LPA: variants seen among roughly 807,000 people sequenced by gnomAD.
The protein encoded by LPA is apolipoprotein(a).
A neutral mutation model predicts 197.9 loss-of-function variants in LPA; 199 were observed. The ratio of observed to expected loss-of-function variants is 1.01; its 90% CI spans 0.90 to 1.13. The LOEUF (loss-of-function observed/expected upper bound fraction) is 1.13, where lower values mean the gene tolerates loss of function less well. Among genes scored for constraint, LPA ranks in the 50% most tolerant of loss-of-function variants. The pLI is 0.00. For missense variants in LPA, 1,853 were observed against 1,785.8 expected (o/e 1.04, Z -0.68); for synonymous variants, 715 against 639.5 (o/e 1.12, Z -1.78).
intron 22 of LPA, 144 bp from the exon 23 acceptor site, chr6:160,591,245 T>C: frequency 9.6e-7 from 1 of 1,040,814 alleles, no homozygotes; most frequent in African/African-American, 1.6e-5. Context: ...TCACAAATCG[T>C]CCTCAACTTC....
At chr6:160,561,241 G>T (rs1361844909) in intron 28 of LPA, among the ~76,000 whole-genome samples, 1 of 152,146 alleles carries the variant, frequency 6.6e-6, no homozygotes, top group Admixed American at 6.5e-5. Context: ...GTTAATTTGT[G>T]TATAAGGTGT....
Position 160,650,267 on chromosome 6 carries a change from T to C in LPA, c.209+71A>G. 2.0e-6 allele frequency: 3 copies of C among 1,510,226 alleles called. No individual in the cohort carries two copies. In the East Asian group the frequency reaches 6.8e-5, roughly 34 times the overall value. 93.6% of individuals were successfully genotyped at this position (1,510,226 alleles called of 1,614,324 possible). A position where few individuals can be genotyped will look rare whatever the true frequency, so the allele number is the denominator to read the frequency against. ...AAAAATTTAATCATAAGAAGTTAGC[T>C]TGACGCACACCTTTTCTAAGACAAA... On this transcript the variant is annotated intron_variant, in intron 2 of 38. Transcript: ENST00000316300.
At chr6:160,605,004 C>T in intron 18 of LPA, 42 bp downstream of exon 18, 1 of 1,611,392 alleles carries the variant, frequency 6.2e-7, no homozygotes, top group Non-Finnish European at 8.5e-7. Flanking sequence ...CAGAAATTTC[C>T]ACTGACCCTT....
intron 24 of LPA, among the ~76,000 whole-genome samples, chr6:160,589,288 G>A (rs1482538458): frequency 6.6e-6 from 1 of 152,172 alleles, no homozygotes; most frequent in Non-Finnish European, 1.5e-5. Context: ...TAAGCACATG[G>A]TCATATGTTC....
intron 20 of LPA, among the ~76,000 whole-genome samples, chr6:160,597,243 G>A (rs987813761): frequency 6.6e-6 from 1 of 152,174 alleles, no homozygotes; most frequent in South Asian, 2.1e-4. Context: ...TTGTGTTTGG[G>A]AAAGATTTAT....
chr6:160,601,204 A>C, intron 18 of LPA, 106 bp from the exon 19 acceptor site: 1 of 944,942 alleles, frequency 1.1e-6, no homozygotes, highest in South Asian at 1.3e-5. Flanking sequence ...AAATATTCCC[A>C]AAAGAGATAC....
At position 160,561,004 on chromosome 6, in the gene LPA, A is replaced by G. The variant is rs557355596; in HGVS notation, c.4632-3433T>C. Among the ~76,000 whole-genome samples the G allele has an allele frequency of 2.3e-3, 343 of 152,006 alleles. 1 individual carries two copies. The highest frequency in any genetic ancestry group is 7.9e-3 in the African/African-American group (326 of 41,440). ...GGCTTGCTGCAAGCTCAACCTCCTC[A>G]GCTCATGCCATTCTCCTGCCTCAGC... On this transcript the variant is annotated intron_variant, in intron 28 of 38. Coordinates refer to ENST00000316300, the MANE Select transcript of LPA (RefSeq NM_005577.4).
chr6:160,537,185 G>T (rs1445231919), intron 37 of LPA, among the ~76,000 whole-genome samples: 1 of 152,182 alleles, frequency 6.6e-6, no homozygotes, highest in African/African-American at 2.4e-5. Flanking sequence ...ATACCGCAAA[G>T]AGAAGAAGGA....
At chr6:160,586,956 T>C (rs1207173003) in intron 24 of LPA, among the ~76,000 whole-genome samples, 1 of 152,226 alleles carries the variant, frequency 6.6e-6, no homozygotes, top group African/African-American at 2.4e-5. Context: ...CCGAGAGGGA[T>C]TTTGAAGTGT....
intron 28 of LPA, among the ~76,000 whole-genome samples, chr6:160,576,078 A>T (rs1166891199): frequency 6.6e-6 from 1 of 151,964 alleles, no homozygotes; most frequent in African/African-American, 2.4e-5. Flanking sequence ...TTATCTCAAT[A>T]CACTACTATC....
At chr6:160,603,233 G>GGGGTGT (rs143056855) in intron 18 of LPA, among the ~76,000 whole-genome samples, 23 of 144,866 alleles carry the variant, frequency 1.6e-4, no homozygotes, top group African/African-American at 5.6e-4. Flanking sequence ...TATTTGTGGA[G>GGGGTGT]GTGTGTGTGT....
intron 30 of LPA, among the ~76,000 whole-genome samples, chr6:160,551,937 A>C (rs1778173356): frequency 7.1e-6 from 1 of 141,560 alleles, no homozygotes; most frequent in Non-Finnish European, 1.5e-5. Flanking sequence ...TTTTTGAGAC[A>C]GTGTCTCATT....
In LPA at chr6:160,600,999, T is replaced by G; in HGVS notation, c.3045A>C (p.Thr1015=). 1 of 1,614,090 alleles carries G rather than the reference T, an allele frequency of 6.2e-7. No individual in the cohort carries two copies. The highest frequency in any genetic ancestry group is 8.5e-7 in the Non-Finnish European group (1 of 1,179,978). Reference sequence around the variant, plus strand: ...CAGTCCATTCTGCATCTGAGCATCGTGTCAGGTTGCAGTACTCCCACCTGA... The same window carrying G: ...CAGTCCATTCTGCATCTGAGCATCGGGTCAGGTTGCAGTACTCCCACCTGA... ...PSVRWEYCNL[T]RCSDAEWTAF... The change falls in exon 19 of 39, where the codon ACA becomes ACC. Residue 1015 remains threonine (T), a synonymous_variant. Transcript: ENST00000316300.
intron 36 of LPA, among the ~76,000 whole-genome samples, chr6:160,539,116 C>T (rs1481394110): frequency 6.6e-6 from 1 of 152,162 alleles, no homozygotes; most frequent in African/African-American, 2.4e-5. Flanking sequence ...TGACCAGGCC[C>T]AGGAGAGCAG....
chr6:160,577,271 A>G lies in LPA; in HGVS notation c.4496T>C (p.Val1499Ala). 6.2e-7 allele frequency: 1 copy of G among 1,613,858 alleles called. No individual in the cohort carries two copies. ...EQAPPEKSPV[V>A]QDCYHGDGRS... ...TCCATCACCATGGTAGCAATCCTGGACCACAGGGCTTTTCTCAGGTGGTGC... is the reference window on the plus strand; with the variant it reads ...TCCATCACCATGGTAGCAATCCTGGGCCACAGGGCTTTTCTCAGGTGGTGC... The change falls in exon 28 of 39, where the codon GTC (valine) becomes GCC (alanine). Residue 1499 changes from valine to alanine, a missense_variant. Around this residue, in one of 3 missense-constraint regions of LPA, gnomAD observed 1,737 missense variants for 1,504.4 expected, o/e 1.15. Coordinates refer to ENST00000316300, the MANE Select transcript of LPA (RefSeq NM_005577.4).
chr6:160,574,490 G>A (rs1778619572), intron 28 of LPA, among the ~76,000 whole-genome samples: 1 of 152,026 alleles, frequency 6.6e-6, no homozygotes, highest in Non-Finnish European at 1.5e-5. Flanking sequence ...TTTACCCTCT[G>A]TTCCTTTGGC....
chr6:160,615,331 G>C (rs1471466983), intron 14 of LPA, among the ~76,000 whole-genome samples: 3 of 145,698 alleles, frequency 2.1e-5, no homozygotes, highest in African/African-American at 5.2e-5. Flanking sequence ...GCGTGTGTGT[G>C]AGTATGGGTG....
intron 23 of LPA, among the ~76,000 whole-genome samples, chr6:160,590,122 C>T (rs111435452): frequency 9.5e-4 from 144 of 152,296 alleles, no homozygotes; most frequent in African/African-American, 3.1e-3. Context: ...CTCCAGAGCA[C>T]TGATCCTCCA....
chr6:160,593,063 G>A (rs1414350604), intron 22 of LPA, among the ~76,000 whole-genome samples: 1 of 152,052 alleles, frequency 6.6e-6, no homozygotes, highest in Non-Finnish European at 1.5e-5. Context: ...GTGTATTCTT[G>A]GAGCTCCTTT....
Sources: gnomAD v4.1 joint callset for allele counts (sites outside exome capture counted in the v4.1 genomes callset) on GRCh38, gnomAD v4.1.1 for gene constraint, gnomAD v4.1.1 regional missense constraint, MANE v1.5 for transcripts, NCBI Gene and HGNC (gene_info 2026-07-23, HGNC 2026-07-21) for gene names.